The following EYA3 variants were observed in gnomAD, a reference collection of about 807,000 sequenced individuals.
EYA3 encodes the protein protein phosphatase EYA3.
In EYA3, 39 loss-of-function variants were observed where a neutral mutation model predicts 80.0. The observed-to-expected ratio is 0.49, with a 90% confidence interval of 0.38 to 0.64. The LOEUF (loss-of-function observed/expected upper bound fraction) is 0.64, where lower values mean the gene tolerates loss of function less well. Among genes scored for constraint, EYA3 ranks in the 30% least tolerant of loss-of-function variants. The probability of loss-of-function intolerance (pLI) is 0.00; values close to 1 mark genes in which losing one functional copy is unlikely to be tolerated. For synonymous variants in EYA3, 206 were observed against 232.8 expected (o/e 0.88, Z 1.05); for missense variants, 523 against 676.1 (o/e 0.77, Z 2.51).
chr1:28,087,606 C>T (rs1330403266), intron 1 of EYA3, among the ~76,000 whole-genome samples: 2 of 152,204 alleles, frequency 1.3e-5, no homozygotes, highest in African/African-American at 4.8e-5. Context: ...CAAATTCTGT[C>T]CTCTATCATC....
chr1:28,022,999 T>C (rs774368774), intron 7 of EYA3, among the ~76,000 whole-genome samples: 1 of 151,048 alleles, frequency 6.6e-6, no homozygotes, highest in Non-Finnish European at 1.5e-5. Context: ...TTAAAAAAAA[T>C]GGTTGATAAT....
At chr1:28,005,393 C>T (rs1172985030) in intron 10 of EYA3, among the ~76,000 whole-genome samples, 8 of 152,056 alleles carry the variant, frequency 5.3e-5, no homozygotes, top group African/African-American at 1.7e-4. Context: ...AACTACAGAC[C>T]AACATCTCTT....
At position 28,013,740 on chromosome 1, in the gene EYA3, A is replaced by G. The variant is rs1424702138; in HGVS notation, c.586-446T>C. Reference sequence around the variant, plus strand: ...AAACTTAAGCAAACAAAAAAAGCACATATCCTACATTAAAATGTCTTAATT... The same window carrying G: ...AAACTTAAGCAAACAAAAAAAGCACGTATCCTACATTAAAATGTCTTAATT... On this transcript the variant is annotated intron_variant, in intron 8 of 17. Transcript: ENST00000373871. This position sits in a 1 kb window ranked among gnomAD's most constrained non-coding sequence, Gnocchi z 4.0. Among the ~76,000 whole-genome samples the G allele has an allele frequency of 6.6e-6, 1 of 152,232 alleles. No individual in the cohort carries two copies. Among genetic ancestry groups the G allele is most frequent in the African/African-American group, 2.4e-5 (1 of 41,464 alleles).
chr1:28,027,141 T>C (rs1280049232), intron 7 of EYA3, among the ~76,000 whole-genome samples: 1 of 152,144 alleles, frequency 6.6e-6, no homozygotes, highest in African/African-American at 2.4e-5. Flanking sequence ...CAATGACAAA[T>C]TGCCTGCCCT....
intron 17 of EYA3, among the ~76,000 whole-genome samples, chr1:27,975,008 A>G (rs2148695667): frequency 6.6e-6 from 1 of 152,292 alleles, no homozygotes; most frequent in South Asian, 2.1e-4. Flanking sequence ...TATTTGATAT[A>G]AGATTATACT....
intron 2 of EYA3, among the ~76,000 whole-genome samples, chr1:28,050,188 T>A (rs892116288): frequency 3.9e-5 from 4 of 103,806 alleles, no homozygotes; most frequent in Non-Finnish European, 7.0e-5. Flanking sequence ...ATTATTATTA[T>A]TATTATTATT....
intron 1 of EYA3, among the ~76,000 whole-genome samples, chr1:28,078,326 A>T (rs906462310): frequency 1.3e-5 from 2 of 152,186 alleles, no homozygotes; most frequent in African/African-American, 4.8e-5. Context: ...AACTTTCCCT[A>T]CAGGTCCTCA....
chr1:28,038,642 C>T (rs1643600018), intron 5 of EYA3, among the ~76,000 whole-genome samples, 197 bp downstream of exon 5: 2 of 151,894 alleles, frequency 1.3e-5, no homozygotes, highest in Non-Finnish European at 2.9e-5. Context: ...TAAAATGATC[C>T]ATTGCAGACA....
intron 4 of EYA3, among the ~76,000 whole-genome samples, 170 bp from the exon 5 acceptor site, chr1:28,039,075 T>A (rs1161968841): frequency 6.6e-6 from 1 of 152,192 alleles, no homozygotes; most frequent in African/African-American, 2.4e-5. Flanking sequence ...TGTTTATACA[T>A]GTGTTTATAG....
intron 1 of EYA3, among the ~76,000 whole-genome samples, chr1:28,079,286 C>T (rs1462353299): frequency 2.0e-5 from 3 of 152,238 alleles, no homozygotes. Flanking sequence ...TTTGTGATTA[C>T]AGGAAACGAA....
At chr1:28,086,275 G>C (rs1224837375) in intron 1 of EYA3, among the ~76,000 whole-genome samples, 1 of 151,068 alleles carries the variant, frequency 6.6e-6, no homozygotes, top group Non-Finnish European at 1.5e-5. Flanking sequence ...GCGCAGTGAT[G>C]TGATCACAGC....
At chr1:27,989,928 A>ACG (rs1378391909) in intron 14 of EYA3, 117 bp from the exon 15 acceptor site, 1 of 500,472 alleles carries the variant, frequency 2.0e-6, no homozygotes, top group African/African-American at 2.2e-5. Context: ...TCTACTGAGT[A>ACG]TGTTTATATA....
At chr1:27,998,961 G>A (rs575051759) in intron 12 of EYA3, among the ~76,000 whole-genome samples, 1 of 152,070 alleles carries the variant, frequency 6.6e-6, no homozygotes, top group East Asian at 1.9e-4. Flanking sequence ...TAGAGACGGG[G>A]TTTCACCATG....
intron 3 of EYA3, among the ~76,000 whole-genome samples, chr1:28,046,984 TA>T (rs1358718854): frequency 1.3e-5 from 2 of 151,740 alleles, no homozygotes; most frequent in Non-Finnish European, 2.9e-5. Flanking sequence ...TAGCTGGGAC[TA>T]AAGGTGTGCA....
At chr1:28,056,693 A>G (rs1340946587) in intron 2 of EYA3, among the ~76,000 whole-genome samples, 1 of 152,236 alleles carries the variant, frequency 6.6e-6, no homozygotes, top group South Asian at 2.1e-4. Context: ...GAGAATGACA[A>G]GGAAATGAAG....
chr1:28,007,224 G>A (rs1641349054), intron 10 of EYA3, among the ~76,000 whole-genome samples: 1 of 151,842 alleles, frequency 6.6e-6, no homozygotes, highest in Non-Finnish European at 1.5e-5. Context: ...AGAGGCGTGA[G>A]CCACTGTCCC....
chr1:28,008,858 T>A (rs1465886978), intron 10 of EYA3, among the ~76,000 whole-genome samples: 1 of 152,120 alleles, frequency 6.6e-6, no homozygotes, highest in Non-Finnish European at 1.5e-5. Flanking sequence ...GCACAAGAAT[T>A]GCTTGAACCT....
intron 13 of EYA3, 93 bp from the exon 14 acceptor site, chr1:27,993,653 T>C: frequency 1.9e-6 from 2 of 1,062,776 alleles, no homozygotes; most frequent in Non-Finnish European, 1.3e-6. Flanking sequence ...ATCTGATAAA[T>C]AAGGCCAATG....
chr1:27,986,658 A>C (rs963957899), intron 16 of EYA3, among the ~76,000 whole-genome samples: 2 of 151,862 alleles, frequency 1.3e-5, no homozygotes, highest in African/African-American at 4.8e-5. Context: ...TGGCCTCCCA[A>C]AGTGCTGGGA....
Sources: allele counts gnomAD v4.1 joint callset (sites outside exome capture counted in the v4.1 genomes callset), GRCh38; gene constraint gnomAD v4.1.1; non-coding constraint Gnocchi (gnomAD v3.1); transcripts MANE v1.5; gene names NCBI Gene and HGNC (gene_info 2026-07-23, HGNC 2026-07-21).